LNX1: variants seen among roughly 807,000 people sequenced by gnomAD.
LNX1 encodes ligand of numb-protein X 1.
LNX1 carries 54 observed loss-of-function variants against 68.4 expected under a neutral mutation model. The observed-to-expected ratio is 0.79, with a 90% CI of 0.63 to 0.99. The LOEUF is 0.99. Among genes scored for constraint, LNX1 ranks in the 50% least tolerant of loss-of-function variants. The probability of loss-of-function intolerance (pLI) is 0.00; values close to 1 mark genes in which losing one functional copy is unlikely to be tolerated. For synonymous variants in LNX1, 336 were observed against 350.0 expected, an observed-to-expected ratio of 0.96 and a Z score of 0.45; for missense variants, 906 against 926.4, an observed-to-expected ratio of 0.98 and a Z score of 0.29.
intron 2 of LNX1, among the ~76,000 whole-genome samples, chr4:53,514,476 C>T (rs542472642): frequency 7.5e-5 from 10 of 133,356 alleles, no homozygotes; most frequent in Non-Finnish European, 1.3e-4. Flanking sequence ...TCTCATATGG[C>T]GGCAGGCAAG....
At chr4:53,591,635 C>A, upstream of LNX1, 2 of 959,248 alleles carry the variant, frequency 2.1e-6, no homozygotes, top group Non-Finnish European at 2.5e-6. Flanking sequence ...AGGCCCCGCC[C>A]ACCTGTCATT....
intron 1 of LNX1, chr4:53,579,172 A>G: frequency 1.5e-6 from 1 of 657,514 alleles, no homozygotes; most frequent in South Asian, 6.8e-5. Flanking sequence ...TAACTGAAGT[A>G]AGTAGACAGA....
Position 53,460,875 on chromosome 4 carries a change from T to G in LNX1, c.*32A>C. On this transcript the variant is annotated 3_prime_UTR_variant, in exon 11 of 11. Transcript: ENST00000263925. ...TTTCAACTTCTTAGCCTATTTGTGA[T>G]TTTTCTGTTTTCCTCTGACCCATCA... 6.3e-7 allele frequency: 1 copy of G among 1,585,824 alleles called. No homozygotes were observed. The highest frequency in any genetic ancestry group is 2.3e-5 in the East Asian group (1 of 44,314).
intron 2 of LNX1, among the ~76,000 whole-genome samples, chr4:53,525,972 C>T (rs372811982): frequency 2.0e-5 from 3 of 152,218 alleles, no homozygotes; most frequent in Admixed American, 6.5e-5. Context: ...TTGGACTCTG[C>T]AAATTTCTAG....
At chr4:53,517,425 C>T (rs1726868741) in intron 2 of LNX1, among the ~76,000 whole-genome samples, 2 of 152,154 alleles carry the variant, frequency 1.3e-5, no homozygotes, top group South Asian at 2.1e-4. Context: ...CTGAGCCCAC[C>T]CTCAAATAGG....
intron 1 of LNX1, among the ~76,000 whole-genome samples, chr4:53,583,157 C>G (rs1453560883): frequency 1.3e-5 from 2 of 152,116 alleles, no homozygotes; most frequent in African/African-American, 4.8e-5. Flanking sequence ...ACTCTTATGG[C>G]AATTTTATAA....
At chr4:53,559,789 A>C (rs1730150778) in intron 2 of LNX1, among the ~76,000 whole-genome samples, 1 of 151,300 alleles carries the variant, frequency 6.6e-6, no homozygotes, top group African/African-American at 2.4e-5. Flanking sequence ...CTGGGACTAC[A>C]GGTGCGTGCC....
At chr4:53,508,387 G>T (rs1726083051) in intron 2 of LNX1, 160 bp from the exon 3 acceptor site, 1 of 851,032 alleles carries the variant, frequency 1.2e-6, no homozygotes, top group Admixed American at 2.9e-5. Context: ...TCACACATCG[G>T]TACTCAATAT....
intron 2 of LNX1, among the ~76,000 whole-genome samples, chr4:53,605,262 T>C (rs1303698076): frequency 6.6e-6 from 1 of 152,266 alleles, no homozygotes; most frequent in Non-Finnish European, 1.5e-5. Context: ...CTGCAACAGA[T>C]GATTAAAATA....
At chr4:53,599,698 C>T (rs560474774) in intron 2 of LNX1, among the ~76,000 whole-genome samples, 1 of 152,328 alleles carries the variant, frequency 6.6e-6, no homozygotes, top group African/African-American at 2.4e-5. Context: ...CCCCCACAGC[C>T]TTATCTTGGC....
At chr4:53,553,288 A>G (rs1729644520) in intron 2 of LNX1, among the ~76,000 whole-genome samples, 1 of 152,148 alleles carries the variant, frequency 6.6e-6, no homozygotes, top group Admixed American at 6.5e-5. Flanking sequence ...TAGTGCCCAT[A>G]CGGATCCCCT....
intron 2 of LNX1, among the ~76,000 whole-genome samples, chr4:53,544,964 C>T (rs1729007997): frequency 6.6e-6 from 1 of 152,190 alleles, no homozygotes; most frequent in African/African-American, 2.4e-5. Flanking sequence ...CCCAGTGACA[C>T]CTCAGACCTA....
At chr4:53,483,924 C>A (rs1724118667) in intron 6 of LNX1, among the ~76,000 whole-genome samples, 1 of 152,196 alleles carries the variant, frequency 6.6e-6, no homozygotes, top group African/African-American at 2.4e-5. Context: ...AAAATCCTAA[C>A]CCACAACACG....
At chr4:53,551,071 C>A (rs1402255132) in intron 2 of LNX1, among the ~76,000 whole-genome samples, 1 of 152,064 alleles carries the variant, frequency 6.6e-6, no homozygotes, top group Admixed American at 6.5e-5. Flanking sequence ...GTCAGTTAAC[C>A]TAGGAGGCGG....
At chr4:53,532,246 C>T (rs1728069674) in intron 2 of LNX1, among the ~76,000 whole-genome samples, 1 of 152,180 alleles carries the variant, frequency 6.6e-6, no homozygotes, top group Admixed American at 6.5e-5. Flanking sequence ...GGTGCTGAGG[C>T]AGGCAGATCA....
chr4:53,567,213 C>T (rs1221919524), intron 2 of LNX1, among the ~76,000 whole-genome samples: 1 of 145,660 alleles, frequency 6.9e-6, no homozygotes, highest in African/African-American at 2.6e-5. Flanking sequence ...CACCACACCA[C>T]ACCTATTCCA....
intron 2 of LNX1, among the ~76,000 whole-genome samples, chr4:53,536,029 T>C (rs1373005630): frequency 6.6e-6 from 1 of 152,226 alleles, no homozygotes; most frequent in African/African-American, 2.4e-5. Flanking sequence ...TACTTGACCC[T>C]GCCCCCAAGT....
At chr4:53,584,335 A>G (rs1577758060) in intron 1 of LNX1, among the ~76,000 whole-genome samples, 1 of 152,204 alleles carries the variant, frequency 6.6e-6, no homozygotes, top group East Asian at 1.9e-4. Context: ...AGGGAATTCC[A>G]TTTCATCTCC....
At chr4:53,626,982 T>C (rs1734099428) in intron 1 of LNX1, among the ~76,000 whole-genome samples, 2 of 152,186 alleles carry the variant, frequency 1.3e-5, no homozygotes, top group Admixed American at 1.3e-4. Context: ...AAATGTATTA[T>C]AAAGATTGGC....
Sources: gnomAD v4.1 joint callset for allele counts (sites outside exome capture counted in the v4.1 genomes callset) on GRCh38, gnomAD v4.1.1 for gene constraint, MANE v1.5 for transcripts, NCBI Gene and HGNC (gene_info 2026-07-23, HGNC 2026-07-21) for gene names.